The following PCLO variants were observed in gnomAD, a reference collection of about 807,000 sequenced individuals.
PCLO encodes the protein piccolo presynaptic cytomatrix protein.
In PCLO, 82 loss-of-function variants were observed where a neutral mutation model predicts 427.5. The observed-to-expected ratio is 0.19, with a 90% CI of 0.16 to 0.23. The LOEUF is 0.23. PCLO is among the 10% of genes least tolerant of loss of function. The probability of loss-of-function intolerance (pLI) is 1.00; values close to 1 mark genes in which losing one functional copy is unlikely to be tolerated. For synonymous variants in PCLO, 2,357 were observed against 2,155.4 expected (o/e 1.09, Z -2.59); for missense variants, 6,239 against 6,115.9 (o/e 1.02, Z -0.67).
At chr7:82,924,048 G>A (rs1794656736) in intron 6 of PCLO, among the ~76,000 whole-genome samples, 1 of 152,028 alleles carries the variant, frequency 6.6e-6, no homozygotes, top group African/African-American at 2.4e-5. Context: ...ACTAAATAAT[G>A]TCCTCAGGCA....
chr7:82,850,386 A>G (rs890971158), intron 10 of PCLO, among the ~76,000 whole-genome samples: 4 of 152,126 alleles, frequency 2.6e-5, no homozygotes, highest in Admixed American at 6.6e-5. Flanking sequence ...GATTTGTTGC[A>G]AAGTCTTTTG....
chr7:82,782,994 A>C (rs1235605451), intron 22 of PCLO, among the ~76,000 whole-genome samples: 1 of 152,216 alleles, frequency 6.6e-6, no homozygotes, highest in East Asian at 1.9e-4. Context: ...AGGAAAAACC[A>C]GAGTGCTTCA....
At chr7:82,981,897 T>G (rs1796154420) in intron 3 of PCLO, among the ~76,000 whole-genome samples, 1 of 152,138 alleles carries the variant, frequency 6.6e-6, no homozygotes, top group African/African-American at 2.4e-5. Flanking sequence ...AATAGAATAT[T>G]AAATAATCAG....
chr7:83,089,142 TACATACATA>T (rs1485412180), intron 3 of PCLO, among the ~76,000 whole-genome samples: 1 of 96,588 alleles, frequency 1.0e-5, no homozygotes, highest in Non-Finnish European at 2.0e-5. Context: ...TATGTTTACA[TACATACATA>T]CATACATACA....
At chr7:83,120,440 T>C (rs948475265) in intron 3 of PCLO, among the ~76,000 whole-genome samples, 1 of 137,278 alleles carries the variant, frequency 7.3e-6, no homozygotes, top group Non-Finnish European at 1.6e-5. Context: ...AAGGAAATAA[T>C]AGAGAATAGT....
chr7:83,000,038 C>CA (rs1223448541), intron 3 of PCLO, among the ~76,000 whole-genome samples: 2 of 87,750 alleles, frequency 2.3e-5, no homozygotes, highest in African/African-American at 1.3e-4. Context: ...GAATAAATGC[C>CA]AAAAAACAAA....
At chr7:82,967,197 CTTTT>C (rs766172385) in intron 3 of PCLO, among the ~76,000 whole-genome samples, 6 of 133,166 alleles carry the variant, frequency 4.5e-5, no homozygotes, top group Admixed American at 7.7e-5. Flanking sequence ...TTCTTCTTTT[CTTTT>C]TTTTTTTTTT....
At chr7:82,919,737 T>C (rs1012675372) in intron 6 of PCLO, among the ~76,000 whole-genome samples, 4 of 151,986 alleles carry the variant, frequency 2.6e-5, no homozygotes, top group Non-Finnish European at 4.4e-5. Context: ...TTATTAGCGT[T>C]TTCTGCCATC....
intron 20 of PCLO, among the ~76,000 whole-genome samples, chr7:82,806,649 G>A (rs1791463384): frequency 6.6e-6 from 1 of 152,106 alleles, no homozygotes. Flanking sequence ...TTTTGAAATC[G>A]TTGATATTTG....
chr7:82,960,225 T>C (rs1366369694), intron 4 of PCLO, among the ~76,000 whole-genome samples: 1 of 152,202 alleles, frequency 6.6e-6, no homozygotes, highest in Non-Finnish European at 1.5e-5. Context: ...ATAATTTACA[T>C]AAAGTTTACA....
rs370996885 is a variant in PCLO at position 82,789,804 on chromosome 7, C to T, written c.15007+11714G>A. On this transcript the variant is annotated intron_variant, in intron 22 of 24. Transcript: ENST00000333891. ...ACTATATTGTCTTATAAAGCATAGT[C>T]AATTTATTTCTTCAAAATCCCGTGA... Among the ~76,000 whole-genome samples the T allele has an allele frequency of 7.9e-5, 12 of 152,280 alleles. No individual in the cohort carries two copies. The East Asian group carries it at 2.3e-3, about 29-fold the overall frequency.
At chr7:83,024,629 C>T (rs1353541045) in intron 3 of PCLO, among the ~76,000 whole-genome samples, 1 of 151,812 alleles carries the variant, frequency 6.6e-6, no homozygotes, top group Admixed American at 6.6e-5. Flanking sequence ...CTGCCTGCCT[C>T]TGTAGGCTCC....
chr7:82,864,379 T>C (rs1445284529), intron 10 of PCLO, among the ~76,000 whole-genome samples: 1 of 152,074 alleles, frequency 6.6e-6, no homozygotes, highest in Non-Finnish European at 1.5e-5. Flanking sequence ...AATAACATCA[T>C]GGATCTGGGA....
intron 20 of PCLO, among the ~76,000 whole-genome samples, chr7:82,812,448 G>T (rs1260251747): frequency 1.3e-5 from 2 of 151,256 alleles, no homozygotes; most frequent in East Asian, 1.9e-4. Flanking sequence ...TTTTTGAGGG[G>T]TTTTTAGTTC....
At chr7:82,778,000 G>A (rs1423124844) in intron 22 of PCLO, among the ~76,000 whole-genome samples, 1 of 152,058 alleles carries the variant, frequency 6.6e-6, no homozygotes. Flanking sequence ...GAAAATTTTT[G>A]CAAACTATGC....
intron 3 of PCLO, among the ~76,000 whole-genome samples, chr7:83,049,550 G>A (rs761924913): frequency 1.1e-4 from 17 of 152,206 alleles, no homozygotes; most frequent in South Asian, 2.1e-4. Context: ...AGAGGTTACC[G>A]ATGATCACAG....
intron 22 of PCLO, among the ~76,000 whole-genome samples, chr7:82,780,137 T>C (rs188002808): frequency 6.6e-6 from 1 of 152,310 alleles, no homozygotes; most frequent in Admixed American, 6.5e-5. Flanking sequence ...GAGGGTACCA[T>C]TCACAAACCG....
At chr7:82,891,212 T>C (rs1793756805) in intron 9 of PCLO, among the ~76,000 whole-genome samples, 1 of 152,094 alleles carries the variant, frequency 6.6e-6, no homozygotes, top group African/African-American at 2.4e-5. Flanking sequence ...TACAAGAAAA[T>C]GGAAAGTCTG....
chr7:82,941,224 A>G (rs1048481202), intron 6 of PCLO, among the ~76,000 whole-genome samples: 2 of 151,622 alleles, frequency 1.3e-5, no homozygotes, highest in African/African-American at 2.4e-5. Flanking sequence ...TTCATCTAAG[A>G]CTCACCTTAC....
Sources: gnomAD v4.1 joint callset for allele counts (sites outside exome capture counted in the v4.1 genomes callset) on GRCh38, gnomAD v4.1.1 for gene constraint, MANE v1.5 for transcripts, NCBI Gene and HGNC (gene_info 2026-07-23, HGNC 2026-07-21) for gene names.